CALCR: variants seen among roughly 807,000 people sequenced by gnomAD.
CALCR encodes the protein calcitonin receptor.
In CALCR, 47 loss-of-function variants were observed where a neutral mutation model predicts 59.5. That is an observed-to-expected ratio of 0.79 (90% CI 0.63 to 1.01). The LOEUF (loss-of-function observed/expected upper bound fraction) is 1.01. CALCR is among the 50% of genes least tolerant of loss of function. The pLI is 0.00. For synonymous variants in CALCR, 213 were observed against 211.3 expected (o/e 1.01, Z -0.07); for missense variants, 566 against 597.1 (o/e 0.95, Z 0.54).
intron 4 of CALCR, 111 bp from the exon 5 acceptor site, chr7:93,477,779 C>A: frequency 1.5e-6 from 1 of 670,574 alleles, no homozygotes; most frequent in Non-Finnish European, 2.7e-6. Context: ...CAGTCATAAC[C>A]AACCACATTT....
chr7:93,456,621 G>C (rs993841464), intron 8 of CALCR, among the ~76,000 whole-genome samples: 5 of 152,018 alleles, frequency 3.3e-5, no homozygotes, highest in African/African-American at 1.2e-4. Flanking sequence ...TTACATTTTT[G>C]GTGGTCAATA....
At chr7:93,528,532 G>T (rs1176377275) in intron 2 of CALCR, among the ~76,000 whole-genome samples, 1 of 151,996 alleles carries the variant, frequency 6.6e-6, no homozygotes, top group Admixed American at 6.6e-5. Context: ...GCCGTGTTTG[G>T]TTTTTTGTCC....
At position 93,566,170 on chromosome 7, in the gene CALCR, T is replaced by G. The variant is rs546270385; in HGVS notation, c.-27+8119A>C. Among the ~76,000 whole-genome samples, 10 of 152,326 alleles carry G rather than the reference T, an allele frequency of 6.6e-5. No individual in the cohort carries two copies. In the South Asian group the frequency reaches 1.7e-3, roughly 25 times the overall value. The stretch of plus-strand genomic sequence containing the variant: ...CATTTGCAATTAAATTTACTTGATG[T>G]CTGCCTACTTAATAGACAGATTTGG... On this transcript the variant is annotated intron_variant, in intron 2 of 13. Transcript: ENST00000426151.
chr7:93,451,063 T>G (rs1220581533), intron 8 of CALCR, among the ~76,000 whole-genome samples: 2 of 151,916 alleles, frequency 1.3e-5, no homozygotes, highest in East Asian at 3.9e-4. Flanking sequence ...CTTCATGATT[T>G]GTAGTTTATG....
chr7:93,519,778 C>T (rs1016804418), intron 2 of CALCR, among the ~76,000 whole-genome samples: 2 of 151,880 alleles, frequency 1.3e-5, no homozygotes, highest in African/African-American at 4.8e-5. Context: ...GTGAATAAGT[C>T]TCATAAGAGC....
At chr7:93,517,317 A>ATTCTTTTTTTTTTT (rs1801671375) in intron 2 of CALCR, among the ~76,000 whole-genome samples, 7 of 127,796 alleles carry the variant, frequency 5.5e-5, no homozygotes, top group African/African-American at 2.8e-4. Context: ...TTTTTTTTTA[A>ATTCTTTTTTTTTTT]TTTGCTAGCC....
At chr7:93,429,446 C>T (rs1268697235) in intron 13 of CALCR, among the ~76,000 whole-genome samples, 1 of 152,176 alleles carries the variant, frequency 6.6e-6, no homozygotes, top group Non-Finnish European at 1.5e-5. Flanking sequence ...GCAATACACA[C>T]TATTCACTTT....
intron 13 of CALCR, among the ~76,000 whole-genome samples, chr7:93,426,898 T>C (rs1799542976): frequency 6.6e-6 from 1 of 152,246 alleles, no homozygotes; most frequent in Non-Finnish European, 1.5e-5. Context: ...TAATGTGGTA[T>C]ACATGTCATA....
intron 2 of CALCR, among the ~76,000 whole-genome samples, chr7:93,565,025 T>C (rs1426988614): frequency 6.6e-6 from 1 of 152,162 alleles, no homozygotes; most frequent in South Asian, 2.1e-4. Flanking sequence ...CTGCCTCTTA[T>C]ACAATGTAAT....
At chr7:93,543,979 T>C (rs1789213786) in intron 2 of CALCR, among the ~76,000 whole-genome samples, 1 of 151,874 alleles carries the variant, frequency 6.6e-6, no homozygotes, top group South Asian at 2.1e-4. Context: ...AAATTAAAAG[T>C]AAACAAGACA....
At chr7:93,527,815 T>C (rs1788709753) in intron 2 of CALCR, among the ~76,000 whole-genome samples, 1 of 152,156 alleles carries the variant, frequency 6.6e-6, no homozygotes, top group Non-Finnish European at 1.5e-5. Flanking sequence ...CTCCATTATG[T>C]AGGCTTGATT....
At chr7:93,442,561 C>T (rs922624577) in intron 9 of CALCR, among the ~76,000 whole-genome samples, 2 of 152,168 alleles carry the variant, frequency 1.3e-5, no homozygotes, top group Non-Finnish European at 2.9e-5. Flanking sequence ...TTGGGCAGGG[C>T]TTTAAATACA....
chr7:93,493,156 C>T (rs1432359589), intron 2 of CALCR, among the ~76,000 whole-genome samples: 1 of 151,296 alleles, frequency 6.6e-6, no homozygotes, highest in Non-Finnish European at 1.5e-5. Context: ...AGCTATATAT[C>T]TCTGGCACAT....
At chr7:93,516,560 T>A (rs1184396449) in intron 2 of CALCR, among the ~76,000 whole-genome samples, 2 of 151,896 alleles carry the variant, frequency 1.3e-5, no homozygotes, top group Non-Finnish European at 2.9e-5. Flanking sequence ...GAAAAGATGT[T>A]GTAAACATAT....
At chr7:93,473,453 C>T (rs1800599011) in intron 5 of CALCR, among the ~76,000 whole-genome samples, 1 of 151,686 alleles carries the variant, frequency 6.6e-6, no homozygotes, top group Admixed American at 6.6e-5. Flanking sequence ...AATGTGCCAA[C>T]TGGTCAGAGG....
intron 2 of CALCR, among the ~76,000 whole-genome samples, chr7:93,568,512 TCTCTCTC>T (rs1789920667): frequency 1.2e-4 from 4 of 33,818 alleles, no homozygotes; most frequent in African/African-American, 2.2e-4. Context: ...AATTACTTTC[TCTCTCTC>T]TCTCTCTCTC....
intron 2 of CALCR, among the ~76,000 whole-genome samples, chr7:93,534,668 T>C (rs1004118626): frequency 7.2e-5 from 11 of 151,770 alleles, no homozygotes; most frequent in African/African-American, 2.7e-4. Flanking sequence ...ACAGTGATTA[T>C]AGAACTGAAG....
chr7:93,464,172 G>A (rs935030996), intron 7 of CALCR, among the ~76,000 whole-genome samples: 4 of 151,850 alleles, frequency 2.6e-5, no homozygotes, highest in Non-Finnish European at 4.4e-5. Context: ...TGTACTTTTT[G>A]GGAGCTTGTA....
At chr7:93,563,279 A>C (rs1789788503) in intron 2 of CALCR, among the ~76,000 whole-genome samples, 1 of 152,172 alleles carries the variant, frequency 6.6e-6, no homozygotes. Context: ...ATTAAAATTC[A>C]ATGTATTTTT....
Sources: allele counts gnomAD v4.1 joint callset (sites outside exome capture counted in the v4.1 genomes callset), GRCh38; gene constraint gnomAD v4.1.1; transcripts MANE v1.5; gene names NCBI Gene and HGNC (gene_info 2026-07-23, HGNC 2026-07-21).